The following KLF8 variants were observed in gnomAD, a reference collection of about 807,000 sequenced individuals.
KLF8 encodes KLF transcription factor 8, also known as Krueppel-like factor 8.
In KLF8, 10 loss-of-function variants were observed where a neutral mutation model predicts 18.2. The observed-to-expected ratio is 0.55, with a 90% CI of 0.34 to 0.93. The LOEUF (loss-of-function observed/expected upper bound fraction) is 0.93. Ranked by LOEUF, KLF8 falls within the 40% of genes least tolerant of loss-of-function variation. The pLI, the probability that KLF8 is intolerant of heterozygous loss-of-function variation, is 0.02. For missense variants in KLF8, 264 were observed against 277.9 expected (o/e 0.95, Z 0.36); for synonymous variants, 109 against 97.3 (o/e 1.12, Z -0.71).
chrX:56,164,762 T>A, the KLF8 span, among the ~76,000 whole-genome samples: 13 of 97,304 alleles, frequency 1.3e-4, no homozygotes, highest in Non-Finnish European at 2.1e-4. Flanking sequence ...TTTTTTTTTT[T>A]TTATTATACT....
chrX:56,267,681 G>T (rs2066989701), intron 3 of KLF8: 1 of 111,300 alleles, frequency 9.0e-6, no homozygotes, highest in Non-Finnish European at 1.9e-5. Flanking sequence ...CTTAAAAATT[G>T]ACAGGTAATA....
the KLF8 span, among the ~76,000 whole-genome samples, chrX:56,079,827 T>C: frequency 9.0e-6 from 1 of 111,423 alleles, no homozygotes. Context: ...TGAATCTCGG[T>C]GCTCCTGTAT....
chrX:56,048,037 A>T, the KLF8 span, among the ~76,000 whole-genome samples: 767 of 111,628 alleles, frequency 6.9e-3, 30 homozygotes, highest in Admixed American at 0.065. Flanking sequence ...GCATTTTTTC[A>T]TGTGTTTTTT....
chrX:56,269,266 T>C, intron 3 of KLF8, 112 bp from the exon 4 acceptor site: 1 of 1,051,425 alleles, frequency 9.5e-7, no homozygotes, highest in Admixed American at 4.3e-5. Flanking sequence ...TTTATTTCTT[T>C]ATTTTTCTGT....
chrX:55,947,094 C>A, the KLF8 span, among the ~76,000 whole-genome samples: 3 of 111,089 alleles, frequency 2.7e-5, no homozygotes, highest in Non-Finnish European at 5.7e-5. Context: ...CCTCAGGGAT[C>A]TAGAACTAGA....
chrX:56,162,348 G>A, the KLF8 span, among the ~76,000 whole-genome samples: 4 of 112,034 alleles, frequency 3.6e-5, no homozygotes, highest in Non-Finnish European at 7.5e-5. Flanking sequence ...CTTTTGTTTG[G>A]CTATGCCCTG....
chrX:56,182,814 T>C, the KLF8 span, among the ~76,000 whole-genome samples: 1 of 112,560 alleles, frequency 8.9e-6, no homozygotes, highest in African/African-American at 3.2e-5. Context: ...TGTTGCTGCC[T>C]GTTCCTTCTT....
the KLF8 span, among the ~76,000 whole-genome samples, chrX:55,933,279 A>G: frequency 8.9e-6 from 1 of 111,801 alleles, no homozygotes; most frequent in African/African-American, 3.2e-5. Flanking sequence ...TAAAACACAT[A>G]GTCCATTTCT....
the KLF8 span, chrX:55,908,412 G>A: frequency 3.1e-5 from 9 of 294,490 alleles, no homozygotes; most frequent in Non-Finnish European, 4.7e-5. Flanking sequence ...TGGTGTAGTA[G>A]TAGATGGGGT....
the KLF8 span, among the ~76,000 whole-genome samples, chrX:56,175,774 G>T: frequency 9.0e-6 from 1 of 111,444 alleles, no homozygotes; most frequent in Non-Finnish European, 1.9e-5. Flanking sequence ...TTATGAATCT[G>T]GGTGCTCCTG....
the KLF8 span, among the ~76,000 whole-genome samples, chrX:56,113,535 C>G: frequency 1.1e-5 from 1 of 92,334 alleles, no homozygotes; most frequent in Admixed American, 1.3e-4. Context: ...AGTGGTCAGA[C>G]AGTGACCTGG....
the KLF8 span, among the ~76,000 whole-genome samples, chrX:56,179,264 G>A: frequency 3.6e-5 from 4 of 111,679 alleles, no homozygotes; most frequent in African/African-American, 1.3e-4. Context: ...TTGTGAATTG[G>A]AGTTCACTCA....
chrX:56,118,036 C>T, the KLF8 span, among the ~76,000 whole-genome samples: 20 of 111,444 alleles, frequency 1.8e-4, no homozygotes, highest in Admixed American at 3.8e-4. Flanking sequence ...AATTCCATTC[C>T]GTGAGGGCAG....
chrX:56,021,540 T>A, the KLF8 span, among the ~76,000 whole-genome samples: 2 of 110,903 alleles, frequency 1.8e-5, no homozygotes, highest in Admixed American at 9.6e-5. Flanking sequence ...TTAGTTTTAG[T>A]CAGTACTGCC....
chrX:56,278,842 A>G (rs1426446825), intron 5 of KLF8, among the ~76,000 whole-genome samples: 1 of 111,622 alleles, frequency 9.0e-6, no homozygotes, highest in Non-Finnish European at 1.9e-5. Context: ...GACTTCTGGG[A>G]TGGGCGATTC....
At chrX:55,916,668 A>C in the KLF8 span, among the ~76,000 whole-genome samples, 1 of 111,715 alleles carries the variant, frequency 9.0e-6, no homozygotes, top group Non-Finnish European at 1.9e-5. Context: ...GAGAATTAGC[A>C]AGAGTTGCAT....
At chrX:55,967,786 TA>T in the KLF8 span, among the ~76,000 whole-genome samples, 8 of 111,222 alleles carry the variant, frequency 7.2e-5, no homozygotes, top group Admixed American at 6.7e-4. Flanking sequence ...GATGAACCAA[TA>T]AAAAATAATA....
At chrX:56,235,673 C>G (rs975187801) in intron 1 of KLF8, among the ~76,000 whole-genome samples, 6 of 110,680 alleles carry the variant, frequency 5.4e-5, no homozygotes, top group African/African-American at 2.0e-4. Flanking sequence ...ACCTCAGCCT[C>G]CCAAAGTGCT....
At chrX:56,008,655 G>A in the KLF8 span, among the ~76,000 whole-genome samples, 2 of 111,809 alleles carry the variant, frequency 1.8e-5, no homozygotes, top group Non-Finnish European at 3.8e-5. Flanking sequence ...GAGAGGTGAC[G>A]GCCATCACTG....
Sources: gnomAD v4.1 joint callset for allele counts (sites outside exome capture counted in the v4.1 genomes callset) on GRCh38, gnomAD v4.1.1 for gene constraint, MANE v1.5 for transcripts, NCBI Gene and HGNC (gene_info 2026-07-23, HGNC 2026-07-21) for gene names.